The following EIF5B variants were observed in gnomAD, a reference collection of about 807,000 sequenced individuals.
The protein encoded by EIF5B is eIF-5B.
A neutral mutation model predicts 147.5 loss-of-function variants in EIF5B; 47 were observed. The observed-to-expected ratio is 0.32, with a 90% CI of 0.25 to 0.41. The LOEUF is 0.41. EIF5B is among the 10% of genes least tolerant of loss of function. The probability of loss-of-function intolerance (pLI) is 1.00; values close to 1 mark genes in which losing one functional copy is unlikely to be tolerated. For missense variants in EIF5B, 1,064 were observed against 1,413.2 expected, an observed-to-expected ratio of 0.75 and a Z score of 3.96; for synonymous variants, 455 against 456.2, an observed-to-expected ratio of 1.00 and a Z score of 0.03.
At chr2:99,366,232 T>G (rs574245857) in intron 6 of EIF5B, among the ~76,000 whole-genome samples, 1 of 152,354 alleles carries the variant, frequency 6.6e-6, no homozygotes, top group South Asian at 2.1e-4. Flanking sequence ...TTGGTGTTGA[T>G]TCCAAGTACA....
rs1196524306 is a variant in EIF5B at position 99,363,666 on chromosome 2, A to T, written c.941A>T (p.Lys314Met). ...GTAGATGACAATGAAGGAGACAAAA[A>T]GAAGAAAGATAAGAAGAAAAAGAAA... is the stretch of plus-strand genomic sequence containing the variant. ...AAEDDNEGDK[K>M]KKDKKKKKGE... is the part of the protein sequence containing the mutation. The change falls in exon 5 of 24, where the codon AAG (lysine) becomes ATG (methionine). Residue 314 changes from lysine (K) to methionine (M), a missense_variant. Transcript: ENST00000289371. The T allele has an allele frequency of 6.3e-7, 1 of 1,583,066 alleles. No individual in the cohort carries two copies. Among genetic ancestry groups the T allele is most frequent in the South Asian group, 1.2e-5 (1 of 83,978 alleles).
At chr2:99,339,272 C>CA (rs2094253558) in intron 1 of EIF5B, among the ~76,000 whole-genome samples, 1 of 151,920 alleles carries the variant, frequency 6.6e-6, no homozygotes, top group Non-Finnish European at 1.5e-5. Flanking sequence ...CTCGGCCTCC[C>CA]AAAGTGCTGG....
chr2:99,373,677 T>C (rs1674501445), intron 9 of EIF5B, among the ~76,000 whole-genome samples: 1 of 152,180 alleles, frequency 6.6e-6, no homozygotes, highest in African/African-American at 2.4e-5. Context: ...CTAGAGTACT[T>C]AGCCTGTTCA....
At chr2:99,392,085 G>A (rs1467766508) in intron 17 of EIF5B, among the ~76,000 whole-genome samples, 1 of 151,338 alleles carries the variant, frequency 6.6e-6, no homozygotes, top group African/African-American at 2.4e-5. Flanking sequence ...CTATTCCATT[G>A]TGTGACTATA....
chr2:99,396,178 A>G (rs1675041879), intron 21 of EIF5B, among the ~76,000 whole-genome samples: 1 of 152,224 alleles, frequency 6.6e-6, no homozygotes, highest in East Asian at 1.9e-4. Flanking sequence ...TGCTCACTTT[A>G]GATCATGAAA....
chr2:99,349,656 A>G (rs1217365669), intron 1 of EIF5B, among the ~76,000 whole-genome samples: 1 of 152,208 alleles, frequency 6.6e-6, no homozygotes, highest in Non-Finnish European at 1.5e-5. Flanking sequence ...CAACTGGAAA[A>G]ATACAAGTTG....
At chr2:99,366,674 T>C (rs1175216375) in intron 6 of EIF5B, among the ~76,000 whole-genome samples, 3 of 151,952 alleles carry the variant, frequency 2.0e-5, no homozygotes, top group Non-Finnish European at 4.4e-5. Context: ...TCCAGTAATC[T>C]GTAGATTCAG....
chr2:99,397,528 CT>C (rs1481472093), intron 22 of EIF5B: 1 of 152,224 alleles, frequency 6.6e-6, no homozygotes, highest in African/African-American at 2.4e-5. Flanking sequence ...CAAATCCCTC[CT>C]CCATTTGGAT....
intron 9 of EIF5B, among the ~76,000 whole-genome samples, chr2:99,372,553 G>A (rs957544290): frequency 6.6e-6 from 1 of 152,148 alleles, no homozygotes; most frequent in Non-Finnish European, 1.5e-5. Context: ...GGTCAGGCTG[G>A]TCTCGAACTC....
chr2:99,367,525 C>T (rs1032986726), intron 6 of EIF5B, among the ~76,000 whole-genome samples: 1 of 151,936 alleles, frequency 6.6e-6, no homozygotes, highest in African/African-American at 2.4e-5. Context: ...CAACCTCTGC[C>T]TCCCAGGTTC....
At chr2:99,379,245 C>A (rs929646238) in intron 11 of EIF5B, 73 bp from the exon 12 acceptor site, 9 of 1,455,382 alleles carry the variant, frequency 6.2e-6, no homozygotes, top group Admixed American at 4.2e-5. Context: ...AAATAAGTTG[C>A]TAATTTCTTA....
intron 1 of EIF5B, among the ~76,000 whole-genome samples, chr2:99,357,016 T>C (rs1313348588): frequency 6.6e-6 from 1 of 152,224 alleles, no homozygotes; most frequent in African/African-American, 2.4e-5. Flanking sequence ...TTTGCAAATA[T>C]CTCTTTCAGT....
intron 9 of EIF5B, 40 bp from the exon 10 acceptor site, chr2:99,376,307 A>G: frequency 8.1e-7 from 1 of 1,237,644 alleles, no homozygotes; most frequent in South Asian, 1.7e-5. Context: ...AATCTATCAT[A>G]TTAATGTTTA....
At chr2:99,384,837 C>G (rs2104235223) in intron 14 of EIF5B, among the ~76,000 whole-genome samples, 1 of 152,324 alleles carries the variant, frequency 6.6e-6, no homozygotes, top group Middle Eastern at 3.4e-3. Flanking sequence ...GAAGCTGCTT[C>G]TTATGGGTGG....
At chr2:99,374,557 G>T (rs1312340077) in intron 9 of EIF5B, among the ~76,000 whole-genome samples, 21 of 151,854 alleles carry the variant, frequency 1.4e-4, no homozygotes, top group Admixed American at 1.4e-3. Flanking sequence ...CATCTTTATT[G>T]CATCTTCATT....
chr2:99,394,921 A>G (rs768592423), intron 21 of EIF5B, 38 bp downstream of exon 21: 3 of 1,501,968 alleles, frequency 2.0e-6, no homozygotes, highest in East Asian at 4.5e-5. Flanking sequence ...GTCTTTGTTA[A>G]TGAACATGAT....
chr2:99,397,650 G>C (rs1369778065), intron 22 of EIF5B: 1 of 152,276 alleles, frequency 6.6e-6, no homozygotes, highest in African/African-American at 2.4e-5. Context: ...TCTGACTGCT[G>C]CTGATGCTCT....
At chr2:99,342,786 T>C (rs1305094312) in intron 1 of EIF5B, among the ~76,000 whole-genome samples, 5 of 151,584 alleles carry the variant, frequency 3.3e-5, no homozygotes, top group South Asian at 4.2e-4. Context: ...CATACACCAC[T>C]GTACTCAGCT....
At chr2:99,399,207 T>G (rs1245456716) in intron 23 of EIF5B, 100 bp from the exon 24 acceptor site, 3 of 1,153,132 alleles carry the variant, frequency 2.6e-6, no homozygotes, top group Non-Finnish European at 3.7e-6. Flanking sequence ...TATTTCTGCT[T>G]AAGCTTTTTA....
Sources: gnomAD v4.1 joint callset for allele counts (sites outside exome capture counted in the v4.1 genomes callset) on GRCh38, gnomAD v4.1.1 for gene constraint, MANE v1.5 for transcripts, NCBI Gene and HGNC (gene_info 2026-07-23, HGNC 2026-07-21) for gene names.